SPTBN4: variants seen among roughly 807,000 people sequenced by gnomAD.
The protein encoded by SPTBN4 is spectrin beta, non-erythrocytic 4.
Under a neutral mutation model 277.8 loss-of-function variants are expected in SPTBN4, and 96 were observed. The ratio of observed to expected loss-of-function variants is 0.35; its 90% confidence interval spans 0.29 to 0.41. SPTBN4 has a LOEUF of 0.41. SPTBN4 is among the 10% of genes least tolerant of loss of function. The probability of loss-of-function intolerance (pLI) is 1.00; values close to 1 mark genes in which losing one functional copy is unlikely to be tolerated. For missense variants in SPTBN4, 3,006 were observed against 3,595.7 expected, an observed-to-expected ratio of 0.84 and a Z score of 4.19; for synonymous variants, 1,481 against 1,580.3, an observed-to-expected ratio of 0.94 and a Z score of 1.49.
At chr19:40,503,718 G>T (rs2145849377) in intron 11 of SPTBN4, 112 bp from the exon 12 acceptor site, 1 of 1,193,938 alleles carries the variant, frequency 8.4e-7, no homozygotes, top group East Asian at 2.6e-5. Context: ...ACTAGGGAGG[G>T]CAGGGCCAGT....
chr19:40,472,546 G>A lies in SPTBN4; in HGVS notation c.-15-61G>A, dbSNP rs34004825. On this transcript the variant is annotated intron_variant, in intron 1 of 35. Transcript: ENST00000598249. ...GACAAGAGAGGGGACAGGACTCAAA[G>A]CCAGTCACTGTTAGAAATGAGACTT... is the stretch of plus-strand genomic sequence containing the variant. 0.14 allele frequency: 199,616 copies of A among 1,451,080 alleles called. 14,879 individuals are homozygous for A. The highest frequency in any genetic ancestry group is 0.28 in the African/African-American group (19,543 of 70,816). 89.9% of individuals were successfully genotyped at this position (1,451,080 alleles called of 1,614,324 possible). A position where few individuals can be genotyped will look rare whatever the true frequency, so the allele number is the denominator to read the frequency against.
intron 20 of SPTBN4, among the ~76,000 whole-genome samples, chr19:40,539,989 A>C (rs2080780468): frequency 6.6e-6 from 1 of 151,006 alleles, no homozygotes; most frequent in Non-Finnish European, 1.5e-5. Context: ...GCAGTGGCAC[A>C]ATCTCGGCTC....
At chr19:40,529,477 G>A (rs2080637788) in intron 18 of SPTBN4, among the ~76,000 whole-genome samples, 1 of 152,120 alleles carries the variant, frequency 6.6e-6, no homozygotes, top group Non-Finnish European at 1.5e-5. Flanking sequence ...GGGCGGTGGG[G>A]ATAAGGGCCG....
intron 18 of SPTBN4, among the ~76,000 whole-genome samples, 173 bp downstream of exon 18, chr19:40,529,304 TC>T (rs904588830): frequency 6.6e-6 from 1 of 152,280 alleles, no homozygotes; most frequent in African/African-American, 2.4e-5. Flanking sequence ...GCTCCGCAAG[TC>T]CCTGCCCGCC....
intron 20 of SPTBN4, among the ~76,000 whole-genome samples, chr19:40,540,785 A>G (rs188185744): frequency 1.1e-3 from 148 of 139,944 alleles, no homozygotes; most frequent in African/African-American, 3.8e-3. Context: ...CTGCACTCCA[A>G]TCTGGTCGAC....
chr19:40,511,801 A>G (rs1186397679), intron 13 of SPTBN4, among the ~76,000 whole-genome samples: 2 of 152,174 alleles, frequency 1.3e-5, no homozygotes, highest in Non-Finnish European at 2.9e-5. Flanking sequence ...ACAGAGGATG[A>G]CAGAGGGAAC....
chr19:40,573,432 G>T (rs1282756807), intron 35 of SPTBN4, among the ~76,000 whole-genome samples: 2 of 152,240 alleles, frequency 1.3e-5, no homozygotes, highest in Non-Finnish European at 2.9e-5. Flanking sequence ...GTCCCAGAAA[G>T]GTTCCCAGGA....
Position 40,570,524 on chromosome 19 carries a change from C to T in SPTBN4, c.7115C>T (p.Pro2372Leu). Reference protein sequence around the residue: ...LPERTPRPDRPRARDRPKPRR... With the variant: ...LPERTPRPDRLRARDRPKPRR... ...GAGCGGACACCTCGGCCGGACCGGC[C>T]CCGGGCGCGGGACCGGCCCAAGCCG... Residue 2372 changes from proline (P) to leucine (L), a missense_variant, in exon 33 of 36, where the codon CCC becomes CTC. By Grantham distance (98) the Pro-to-Leu change is moderately conservative. Transcript: ENST00000598249. The T allele has an allele frequency of 6.8e-7, 1 of 1,470,114 alleles. No individual in the cohort carries two copies. Among genetic ancestry groups the T allele is most frequent in the Non-Finnish European group, 9.0e-7 (1 of 1,116,626 alleles). The allele number at this position is 1,470,114 out of a possible 1,614,324, so 91.1% of individuals were successfully genotyped here. A position where few individuals can be genotyped will look rare whatever the true frequency, so the allele number is the denominator to read the frequency against.
chr19:40,475,337 C>A (rs1405168905), intron 2 of SPTBN4, among the ~76,000 whole-genome samples: 1 of 152,136 alleles, frequency 6.6e-6, no homozygotes, highest in Non-Finnish European at 1.5e-5. Flanking sequence ...TATAGATGAT[C>A]ATAATCATGA....
chr19:40,525,872 G>A (rs1050870738), intron 17 of SPTBN4, among the ~76,000 whole-genome samples: 4 of 152,196 alleles, frequency 2.6e-5, no homozygotes, highest in Admixed American at 6.5e-5. Flanking sequence ...GGCTTGTGGT[G>A]GGTGAGGTGT....
At chr19:40,479,616 G>A (rs2145810158) in intron 2 of SPTBN4, among the ~76,000 whole-genome samples, 2 of 149,638 alleles carry the variant, frequency 1.3e-5, no homozygotes, top group East Asian at 3.9e-4. Flanking sequence ...AGTTTTTAAT[G>A]TGAATCTTTT....
rs2145962622 is a variant in SPTBN4 at position 40,572,324 on chromosome 19, G to A, written c.7494-14G>A. 6.2e-7 allele frequency: 1 copy of A among 1,614,138 alleles called. No individual in the cohort carries two copies. Among genetic ancestry groups the A allele is most frequent in the Non-Finnish European group, 8.5e-7 (1 of 1,180,018 alleles). ...CTTCCCCAGATCTCTGAAGTCCTGT[G>A]TCCCTTCCTGCAGGACCCAGGATGG... On this transcript the variant is annotated splice_polypyrimidine_tract_variant and intron_variant, in intron 34 of 35. Coordinates refer to ENST00000598249, the MANE Select transcript of SPTBN4 (RefSeq NM_020971.3).
intron 7 of SPTBN4, among the ~76,000 whole-genome samples, chr19:40,501,104 G>T (rs908026610): frequency 2.6e-5 from 4 of 152,054 alleles, no homozygotes; most frequent in Admixed American, 6.6e-5. Flanking sequence ...CAGGCATGGT[G>T]GTTCACACCT....
At position 40,513,377 on chromosome 19, in the gene SPTBN4, T is replaced by TCGCTGAGGTGACCGAAGTGGCGG; in HGVS notation, c.2597_2619dup (p.Arg874Ter). 6.2e-7 allele frequency: 1 copy of TCGCTGAGGTGACCGAAGTGGCGG among 1,603,430 alleles called. No homozygotes were observed. Among genetic ancestry groups the TCGCTGAGGTGACCGAAGTGGCGG allele is most frequent in the Non-Finnish European group, 8.5e-7 (1 of 1,176,504 alleles). ...CGCGTGGTGGAAGCAGAGCAGTTGTTCGCTGAGGTGACCGAAGTGGCGGCG... is the reference window on the plus strand; with the variant it reads ...CGCGTGGTGGAAGCAGAGCAGTTGTTCGCTGAGGTGACCGAAGTGGCGGCGCTGAGGTGACCGAAGTGGCGGCG... On this transcript the variant is annotated frameshift_variant, in exon 14 of 36. Coordinates refer to ENST00000598249, the MANE Select transcript of SPTBN4 (RefSeq NM_020971.3). LOFTEE classifies it high-confidence loss of function.
chr19:40,532,539 G>A (rs2080688302), intron 18 of SPTBN4, 86 bp from the exon 19 acceptor site: 6 of 1,520,676 alleles, frequency 3.9e-6, no homozygotes, highest in Non-Finnish European at 5.3e-6. Context: ...AGCAGCCCAG[G>A]CCCTGAACCT....
At position 40,504,148 on chromosome 19, in the gene SPTBN4, C is replaced by CCCCCCCT; in HGVS notation, c.1665+16_1665+17insCCCCCCT. The CCCCCCCT allele has an allele frequency of 1.5e-6, 1 of 645,772 alleles. No homozygotes were observed. Among genetic ancestry groups the CCCCCCCT allele is most frequent in the Non-Finnish European group, 2.1e-6 (1 of 471,396 alleles). The allele number at this position is 645,772 out of a possible 1,614,324, so 40.0% of individuals were successfully genotyped here. On this transcript the variant is annotated intron_variant, in intron 12 of 35. Transcript: ENST00000598249. ...GGAGATGCAGGTGCCGGCGGGGGGGCGGGGATGCGGGTGGAGTGCCAGGAG... is the reference window on the plus strand; with the variant it reads ...GGAGATGCAGGTGCCGGCGGGGGGGCCCCCCCTGGGGATGCGGGTGGAGTGCCAGGAG...
intron 17 of SPTBN4, among the ~76,000 whole-genome samples, chr19:40,526,831 T>C (rs1334208885): frequency 2.7e-5 from 4 of 150,516 alleles, no homozygotes; most frequent in African/African-American, 4.9e-5. Flanking sequence ...CAAGCAATCC[T>C]CCTACTTTGG....
chr19:40,474,122 A>G (rs1210763443), intron 2 of SPTBN4, among the ~76,000 whole-genome samples: 1 of 129,534 alleles, frequency 7.7e-6, no homozygotes, highest in Non-Finnish European at 1.6e-5. Flanking sequence ...ACTGCACTCC[A>G]GCCCCAGCAG....
chr19:40,551,390 C>T (rs2080916151), intron 22 of SPTBN4, among the ~76,000 whole-genome samples: 1 of 118,888 alleles, frequency 8.4e-6, no homozygotes, highest in Middle Eastern at 4.1e-3. Flanking sequence ...CCCTATCTCT[C>T]TCTCTCTCTC....
Sources: allele counts gnomAD v4.1 joint callset (sites outside exome capture counted in the v4.1 genomes callset), GRCh38; gene constraint gnomAD v4.1.1; transcripts MANE v1.5; gene names NCBI Gene and HGNC (gene_info 2026-07-23, HGNC 2026-07-21).